CFAP46: variants seen among roughly 807,000 people sequenced by gnomAD.
CFAP46 encodes cilia- and flagella-associated protein 46.
Under a neutral mutation model 325.7 loss-of-function variants are expected in CFAP46, and 245 were observed. The ratio of observed to expected loss-of-function variants is 0.75; its 90% CI spans 0.68 to 0.84. The LOEUF is 0.84. Ranked by LOEUF, CFAP46 falls within the 40% of genes least tolerant of loss-of-function variation. The pLI, the probability that CFAP46 is intolerant of heterozygous loss-of-function variation, is 0.00. For synonymous variants in CFAP46, 1,523 were observed against 1,495.9 expected (o/e 1.02, Z -0.42); for missense variants, 3,346 against 3,543.0 (o/e 0.94, Z 1.41).
Position 132,934,836 on chromosome 10 carries a change from C to A in CFAP46, c.782G>T (p.Gly261Val), listed in dbSNP as rs1235904237. Residue 261 changes from glycine (G) to valine (V), a missense_variant, in exon 8 of 58, where the codon GGT becomes GTT. Coordinates refer to ENST00000368586, the MANE Select transcript of CFAP46 (RefSeq NM_001200049.3). ...KAKAEQNDLP[G>V]DISVILRKAY... The stretch of plus-strand genomic sequence containing the variant: ...CTTCCTCAGAATGACACTGATGTCA[C>A]CTGGTAAATCATTTTGCTCCGCTTT... The A allele has an allele frequency of 1.9e-6, 3 of 1,608,842 alleles. No individual in the cohort carries two copies. Among genetic ancestry groups the A allele is most frequent in the Middle Eastern group, 3.3e-4 (2 of 6,048 alleles).
rs753518282 is a variant in CFAP46, at chr10:132,879,644, G to C, written c.3800-13C>G. The C allele has an allele frequency of 2.5e-5, 37 of 1,498,902 alleles. 1 individual carries two copies. Among genetic ancestry groups the C allele is most frequent in the Middle Eastern group, 4.8e-4 (2 of 4,190 alleles). 92.9% of individuals were successfully genotyped at this position (1,498,902 alleles called of 1,614,324 possible). On this transcript the variant is annotated splice_polypyrimidine_tract_variant and intron_variant, in intron 28 of 57. Coordinates refer to ENST00000368586, the MANE Select transcript of CFAP46 (RefSeq NM_001200049.3). ...GCCACGTACTCCCCTGAAACACGGG[G>C]TGCCCGAGGCTGAGAGCAGGCCCGG...
intron 9 of CFAP46, among the ~76,000 whole-genome samples, chr10:132,928,351 CG>C (rs1278844644): frequency 6.6e-6 from 1 of 152,056 alleles, no homozygotes; most frequent in Non-Finnish European, 1.5e-5. Flanking sequence ...CCACAGAAGC[CG>C]GTAAAGGGCA....
rs1850062226 is a variant in CFAP46, at chr10:132,939,273, G to C, written c.372-520C>G. On this transcript the variant is annotated intron_variant, in intron 4 of 57. Transcript: ENST00000368586. The surrounding 1 kb of genome is among the most constrained non-coding windows in gnomAD (Gnocchi z 4.6). ...GTCAGGAAGATGGAGGAGAAGGGAG[G>C]AACCTTTGGGAAACAAAGTTCCCGT... Among the ~76,000 whole-genome samples the C allele has an allele frequency of 6.6e-6, 1 of 152,192 alleles. No individual in the cohort carries two copies. The highest frequency in any genetic ancestry group is 2.1e-4 in the South Asian group (1 of 4,832).
At chr10:132,887,203 T>C (rs1366837839) in intron 25 of CFAP46, among the ~76,000 whole-genome samples, 1 of 85,836 alleles carries the variant, frequency 1.2e-5, no homozygotes, top group African/African-American at 7.3e-5. Context: ...CTCTCTCCTC[T>C]TCTTTCCTCT....
intron 25 of CFAP46, among the ~76,000 whole-genome samples, chr10:132,888,080 C>G (rs932588829): frequency 2.1e-4 from 31 of 150,718 alleles, no homozygotes; most frequent in African/African-American, 5.6e-4. Context: ...TTCTCTCCCT[C>G]TCCCCTCTCC....
At chr10:132,908,299 T>C in intron 22 of CFAP46, 169 bp downstream of exon 22, 2 of 737,158 alleles carry the variant, frequency 2.7e-6, no homozygotes, top group Non-Finnish European at 4.3e-6. Flanking sequence ...GGGGACCTGG[T>C]GGGGCGCTCA....
Position 132,832,318 on chromosome 10 carries a change from G to A in CFAP46, c.7117+1040C>T, listed in dbSNP as rs1000386488. Among the ~76,000 whole-genome samples the A allele has an allele frequency of 6.6e-6, 1 of 150,994 alleles. No individual in the cohort carries two copies. The highest frequency in any genetic ancestry group is 2.1e-4 in the South Asian group (1 of 4,758). On this transcript the variant is annotated intron_variant, in intron 50 of 57. Coordinates refer to ENST00000368586, the MANE Select transcript of CFAP46 (RefSeq NM_001200049.3). The surrounding 1 kb of genome is among the most constrained non-coding windows in gnomAD (Gnocchi z 4.1). ...TCCTTCCAGGTGTCCCGCCCTGCAC[G>A]TTGTAGTTGTCAGTTTCCCAGACTC...
At chr10:132,814,982 C>T (rs1038502558) in intron 50 of CFAP46, 68 bp from the exon 51 acceptor site, 21 of 1,366,192 alleles carry the variant, frequency 1.5e-5, no homozygotes, top group Middle Eastern at 3.6e-4. Context: ...GCCACACGGT[C>T]GGTTAATTTC....
At chr10:132,937,751 C>T in intron 5 of CFAP46, 76 bp from the exon 6 acceptor site, 1 of 1,504,188 alleles carries the variant, frequency 6.6e-7, no homozygotes, top group Non-Finnish European at 8.9e-7. Context: ...GTTATTAAAC[C>T]ATTACATATT....
intron 39 of CFAP46, among the ~76,000 whole-genome samples, chr10:132,856,745 T>C (rs553159813): frequency 1.3e-5 from 2 of 152,370 alleles, no homozygotes; most frequent in Admixed American, 1.3e-4. Context: ...TCTGTGCCCA[T>C]TGATCAATTT....
At chr10:132,865,945 C>T in intron 35 of CFAP46, 80 bp downstream of exon 35, 1 of 1,313,900 alleles carries the variant, frequency 7.6e-7, no homozygotes. Context: ...ACAGCCCAAG[C>T]TTCTGCCCGC....
At chr10:132,895,548 A>T (rs1039890010) in intron 24 of CFAP46, among the ~76,000 whole-genome samples, 1 of 151,930 alleles carries the variant, frequency 6.6e-6, no homozygotes, top group African/African-American at 2.4e-5. Context: ...TTCACAGATG[A>T]CATGATCCTA....
At chr10:132,905,848 C>G (rs1010732853) in intron 22 of CFAP46, among the ~76,000 whole-genome samples, 1 of 152,218 alleles carries the variant, frequency 6.6e-6, no homozygotes, top group Non-Finnish European at 1.5e-5. Flanking sequence ...GGGTGGCAGG[C>G]ATCTCCTGCT....
At chr10:132,873,328 T>A (rs956313410) in intron 31 of CFAP46, among the ~76,000 whole-genome samples, 1 of 152,192 alleles carries the variant, frequency 6.6e-6, no homozygotes, top group Admixed American at 6.5e-5. Flanking sequence ...AACTGGAGGA[T>A]AATCAATATC....
intron 24 of CFAP46, among the ~76,000 whole-genome samples, chr10:132,897,114 T>C (rs57676261): frequency 0.019 from 2,897 of 152,290 alleles, 86 homozygotes; most frequent in African/African-American, 0.064. Context: ...TTAACTCAAA[T>C]GGATCAAAGA....
At chr10:132,890,100 G>C (rs1849233731) in intron 25 of CFAP46, among the ~76,000 whole-genome samples, 1 of 152,168 alleles carries the variant, frequency 6.6e-6, no homozygotes, top group Non-Finnish European at 1.5e-5. Flanking sequence ...TTATTTTGGT[G>C]AAAGGAGTAA....
At chr10:132,887,514 TCTCTCCTCTCCTCTCTC>T (rs369264821) in intron 25 of CFAP46, among the ~76,000 whole-genome samples, 1 of 102,992 alleles carries the variant, frequency 9.7e-6, no homozygotes, top group Non-Finnish European at 2.0e-5. Flanking sequence ...CTCTCCTCTC[TCTCTCCTCTCCTCTCTC>T]CTCTCCCCTC....
intron 7 of CFAP46, among the ~76,000 whole-genome samples, chr10:132,935,250 C>A (rs146475310): frequency 2.0e-5 from 3 of 152,152 alleles, no homozygotes; most frequent in East Asian, 3.9e-4. Context: ...TCTCCTCACT[C>A]CCCTTGGTAT....
chr10:132,920,557 C>T (rs1356088447), intron 13 of CFAP46, among the ~76,000 whole-genome samples: 1 of 152,242 alleles, frequency 6.6e-6, no homozygotes, highest in Non-Finnish European at 1.5e-5. Context: ...CCCCAAGTCC[C>T]AGCAGGTTTA....
Sources: gnomAD v4.1 joint callset for allele counts (sites outside exome capture counted in the v4.1 genomes callset) on GRCh38, gnomAD v4.1.1 for gene constraint, Gnocchi (gnomAD v3.1) non-coding constraint, MANE v1.5 for transcripts, NCBI Gene and HGNC (gene_info 2026-07-23, HGNC 2026-07-21) for gene names.